The following EPB41L2 variants were observed in gnomAD, a reference collection of about 807,000 sequenced individuals.
EPB41L2 encodes erythrocyte membrane protein band 4.1 like 2, also known as band 4.1-like protein 2.
A neutral mutation model predicts 113.0 loss-of-function variants in EPB41L2; 43 were observed. The observed-to-expected ratio is 0.38, with a 90% CI of 0.30 to 0.49. The LOEUF is 0.49. EPB41L2 is among the 20% of genes least tolerant of loss of function. The pLI is 0.95. For synonymous variants in EPB41L2, 442 were observed against 436.7 expected (o/e 1.01, Z -0.15); for missense variants, 1,147 against 1,223.4 (o/e 0.94, Z 0.93).
chr6:130,905,506 C>A (rs185255311), intron 5 of EPB41L2, among the ~76,000 whole-genome samples: 3 of 151,640 alleles, frequency 2.0e-5, no homozygotes, highest in Non-Finnish European at 4.4e-5. Context: ...GCAACCTCAA[C>A]GTCCCAGGCC....
At chr6:130,887,450 AC>A (rs778425830) in intron 11 of EPB41L2, among the ~76,000 whole-genome samples, 6 of 152,156 alleles carry the variant, frequency 3.9e-5, no homozygotes, top group Non-Finnish European at 8.8e-5. Context: ...GGGCACATAA[AC>A]CCACATAAAC....
intron 1 of EPB41L2, among the ~76,000 whole-genome samples, chr6:131,019,894 T>C (rs1168054734): frequency 1.3e-5 from 2 of 152,154 alleles, no homozygotes; most frequent in Non-Finnish European, 2.9e-5. Flanking sequence ...TTAATATATT[T>C]CTATTTTCTG....
chr6:130,998,238 C>T (rs756625259), intron 1 of EPB41L2, among the ~76,000 whole-genome samples: 10 of 152,100 alleles, frequency 6.6e-5, no homozygotes, highest in Non-Finnish European at 1.3e-4. Context: ...ACTTTCTTTC[C>T]AAGATCTTTT....
intron 17 of EPB41L2, among the ~76,000 whole-genome samples, chr6:130,864,367 T>G (rs756042019): frequency 6.6e-6 from 1 of 152,220 alleles, no homozygotes; most frequent in African/African-American, 2.4e-5. Context: ...GATGAGATTT[T>G]TGTTGAATGT....
At chr6:130,958,468 C>CAAAAA (rs200548809) in intron 1 of EPB41L2, among the ~76,000 whole-genome samples, 65 of 113,694 alleles carry the variant, frequency 5.7e-4, no homozygotes, top group African/African-American at 1.1e-3. Context: ...ACAACAACAA[C>CAAAAA]AAAAAAAAAA....
Position 130,894,955 on chromosome 6 carries a change from G to A in EPB41L2, c.1389+12C>T, listed in dbSNP as rs777126452. Reference sequence around the variant, plus strand: ...CGACTAACAACAACTGATTAGAAATGTCTTGGCTTACCTCTGCCGGTCTGA... The same window carrying A: ...CGACTAACAACAACTGATTAGAAATATCTTGGCTTACCTCTGCCGGTCTGA... On this transcript the variant is annotated intron_variant, in intron 9 of 19. Coordinates refer to ENST00000337057, the MANE Select transcript of EPB41L2 (RefSeq NM_001431.4). 36 of 1,610,032 alleles carry A rather than the reference G, an allele frequency of 2.2e-5. No individual in the cohort carries two copies. Among genetic ancestry groups the A allele is most frequent in the Non-Finnish European group, 2.9e-5 (34 of 1,177,510 alleles).
intron 1 of EPB41L2, among the ~76,000 whole-genome samples, chr6:131,039,296 C>T (rs1422962198): frequency 2.0e-5 from 3 of 152,160 alleles, no homozygotes; most frequent in African/African-American, 4.8e-5. Flanking sequence ...CTGTAAAATA[C>T]GTGGGAACTC....
At chr6:131,022,741 T>C (rs1266361179) in intron 1 of EPB41L2, among the ~76,000 whole-genome samples, 2 of 152,260 alleles carry the variant, frequency 1.3e-5, no homozygotes, top group Non-Finnish European at 2.9e-5. Flanking sequence ...CATCATCCAG[T>C]GCTAGTGCTC....
At chr6:130,912,848 C>T (rs1290783094) in intron 4 of EPB41L2, among the ~76,000 whole-genome samples, 2 of 151,808 alleles carry the variant, frequency 1.3e-5, no homozygotes, top group Non-Finnish European at 2.9e-5. Context: ...ACCCAAGGAA[C>T]AACCATAGCA....
rs1817631350 is a variant in EPB41L2 at position 130,956,900 on chromosome 6, G to C, written c.-14-401C>G. ...CTTGGTATTCTTTATTCTGTAACAG[G>C]AAGATGTTATCAACAGTGCTAGAAA... On this transcript the variant is annotated intron_variant, in intron 1 of 19. Transcript: ENST00000337057. 2.6e-5 allele frequency among the ~76,000 whole-genome samples: 4 copies of C among 152,056 alleles called. No homozygotes were observed. In the South Asian group the frequency reaches 8.3e-4, roughly 32 times the overall value.
chr6:130,928,090 C>T (rs774056730), intron 3 of EPB41L2, among the ~76,000 whole-genome samples: 7 of 151,604 alleles, frequency 4.6e-5, no homozygotes. Context: ...GACCCTGTCT[C>T]AATAAATAAA....
In EPB41L2 at chr6:131,048,441, C is replaced by G. The variant is rs578092113; in HGVS notation, c.-15+14714G>C. On this transcript the variant is annotated intron_variant, in intron 1 of 19. Coordinates refer to ENST00000337057, the MANE Select transcript of EPB41L2 (RefSeq NM_001431.4). Reference sequence around the variant, plus strand: ...TAAAACAATATTCAGATATTTATTCCAAAAACATCACAACAGTATGTCACA... The same window carrying G: ...TAAAACAATATTCAGATATTTATTCGAAAAACATCACAACAGTATGTCACA... 1.9e-4 allele frequency among the ~76,000 whole-genome samples: 29 copies of G among 152,172 alleles called. No homozygotes were observed. In the South Asian group the frequency reaches 6.0e-3, roughly 32 times the overall value.
At chr6:130,967,408 C>A (rs541282763) in intron 1 of EPB41L2, among the ~76,000 whole-genome samples, 2 of 152,228 alleles carry the variant, frequency 1.3e-5, no homozygotes, top group African/African-American at 4.8e-5. Context: ...CTTTTTTCCT[C>A]AGTGTGGACT....
At chr6:130,900,220 G>C (rs1399736927) in intron 7 of EPB41L2, among the ~76,000 whole-genome samples, 2 of 152,072 alleles carry the variant, frequency 1.3e-5, no homozygotes, top group Non-Finnish European at 2.9e-5. Context: ...AAAACATTTA[G>C]AGTCAAATAC....
intron 3 of EPB41L2, among the ~76,000 whole-genome samples, chr6:130,935,900 C>T (rs1808625880): frequency 6.6e-6 from 1 of 152,168 alleles, no homozygotes; most frequent in Non-Finnish European, 1.5e-5. Flanking sequence ...AGCTCCACAA[C>T]AAACCCAAAG....
chr6:131,042,249 A>C (rs1794603449), intron 1 of EPB41L2, among the ~76,000 whole-genome samples: 1 of 152,242 alleles, frequency 6.6e-6, no homozygotes, highest in Admixed American at 6.5e-5. Flanking sequence ...TAGAATCTTC[A>C]TCTAATACCT....
intron 19 of EPB41L2, among the ~76,000 whole-genome samples, chr6:130,843,229 A>G (rs1402200448): frequency 6.6e-6 from 1 of 152,230 alleles, no homozygotes; most frequent in Non-Finnish European, 1.5e-5. Flanking sequence ...AGAATCACCA[A>G]TGTCACTGCT....
chr6:131,017,199 T>C (rs1181490487), intron 1 of EPB41L2, among the ~76,000 whole-genome samples: 1 of 152,206 alleles, frequency 6.6e-6, no homozygotes, highest in African/African-American at 2.4e-5. Context: ...AAAATATACA[T>C]AAACATGTTT....
chr6:130,857,850 A>C (rs1780767737), intron 19 of EPB41L2, among the ~76,000 whole-genome samples: 4 of 152,178 alleles, frequency 2.6e-5, no homozygotes, highest in Admixed American at 2.6e-4. Flanking sequence ...AATATTAATT[A>C]ATGTAACTTA....
Sources: allele counts gnomAD v4.1 joint callset (sites outside exome capture counted in the v4.1 genomes callset), GRCh38; gene constraint gnomAD v4.1.1; transcripts MANE v1.5; gene names NCBI Gene and HGNC (gene_info 2026-07-23, HGNC 2026-07-21).